Variants in DNAH5 observed in about 807,000 individuals in gnomAD.
The protein encoded by DNAH5 is dynein axonemal heavy chain 5, also known as axonemal beta dynein heavy chain 5.
A neutral mutation model predicts 518.2 loss-of-function variants in DNAH5; 372 were observed. The observed-to-expected ratio is 0.72, with a 90% CI of 0.66 to 0.78. DNAH5 has a LOEUF of 0.78. Among genes scored for constraint, DNAH5 ranks in the 30% least tolerant of loss-of-function variants. The pLI is 0.00. For synonymous variants in DNAH5, 2,039 were observed against 2,025.9 expected, an observed-to-expected ratio of 1.01 and a Z score of -0.17; for missense variants, 5,523 against 5,687.0, an observed-to-expected ratio of 0.97 and a Z score of 0.93.
At chr5:13,742,669 G>A (rs1748742339) in intron 65 of DNAH5, among the ~76,000 whole-genome samples, 1 of 152,014 alleles carries the variant, frequency 6.6e-6, no homozygotes, top group South Asian at 2.1e-4. Context: ...TTATTGAGAT[G>A]GCTGTAGTCA....
intron 30 of DNAH5, among the ~76,000 whole-genome samples, chr5:13,851,263 T>A (rs1053806492): frequency 1.8e-4 from 27 of 152,200 alleles, no homozygotes; most frequent in Middle Eastern, 3.4e-3. Flanking sequence ...TGTAAAAAAA[T>A]TTAATGGAAA....
rs376470870 is a variant in DNAH5, at chr5:13,817,727, C to T, written c.6842-33G>A. The T allele has an allele frequency of 1.4e-5, 22 of 1,610,776 alleles. No homozygotes were observed. In the African/African-American group the frequency reaches 2.7e-4, roughly 20 times the overall value. On this transcript the variant is annotated intron_variant, in intron 41 of 78. Transcript: ENST00000265104. ...AAGTAAATCCAAATTTTAGACATCTCAGATGGGAAGTGAACCATCATTAAG... is the reference window on the plus strand; with the variant it reads ...AAGTAAATCCAAATTTTAGACATCTTAGATGGGAAGTGAACCATCATTAAG...
At position 13,727,578 on chromosome 5, in the gene DNAH5, C is replaced by T. The variant is rs770036339; in HGVS notation, c.11962G>A (p.Asp3988Asn). The T allele has an allele frequency of 1.2e-6, 2 of 1,613,878 alleles. No homozygotes were observed. The highest frequency in any genetic ancestry group is 1.7e-6 in the Non-Finnish European group (2 of 1,179,844). ...CGTCTGAAGCAGTCAAGAGATTTAT[C>T]ATAGGCATTTGGAAGAGGTTCCTCC... is the stretch of plus-strand genomic sequence containing the variant. ...PEEEPLPNAY[D>N]KSLDCFRRLL... The change falls in exon 70 of 79, where the codon GAT becomes AAT. Residue 3988 changes from aspartate (D) to asparagine (N), a missense_variant. Asp to Asn is a conservative substitution (Grantham distance 23). This residue lies in a region of DNAH5 where 5,121 missense variants were observed against 5,223.3 expected (regional missense o/e 0.98). Coordinates refer to ENST00000265104, the MANE Select transcript of DNAH5 (RefSeq NM_001369.3).
intron 16 of DNAH5, among the ~76,000 whole-genome samples, chr5:13,892,236 C>A (rs928311449): frequency 6.6e-6 from 1 of 152,198 alleles, no homozygotes; most frequent in Non-Finnish European, 1.5e-5. Flanking sequence ...AAATTCTCTA[C>A]GCTTTCTAAC....
intron 78 of DNAH5, among the ~76,000 whole-genome samples, chr5:13,693,446 T>A (rs894763734): frequency 2.0e-5 from 3 of 152,250 alleles, no homozygotes; most frequent in Non-Finnish European, 4.4e-5. Context: ...ATATCCACTA[T>A]AAATTTAATT....
Position 13,777,229 on chromosome 5 carries a change from A to G in DNAH5, c.9078T>C (p.Tyr3026=), listed in dbSNP as rs2126813598. 6.2e-7 allele frequency: 1 copy of G among 1,613,008 alleles called. No homozygotes were observed. The highest frequency in any genetic ancestry group is 1.3e-5 in the African/African-American group (1 of 75,010). Residue 3026 remains tyrosine (Y), a synonymous_variant, in exon 54 of 79, where the codon TAT becomes TAC. Transcript: ENST00000265104. ...NEIKDESFLE[Y]MNNVLSSGEV... ...CACCTGATGATAAAACATTGTTCAT[A>G]TATTCCAAAAATGACTCATCTTTAA...
chr5:13,780,857 A>G lies in DNAH5; in HGVS notation c.8923T>C (p.Tyr2975His). 1.2e-6 allele frequency: 2 copies of G among 1,613,758 alleles called. No individual in the cohort carries two copies. Among genetic ancestry groups the G allele is most frequent in the Non-Finnish European group, 1.7e-6 (2 of 1,179,762 alleles). The change falls in exon 53 of 79, where the codon TAC (tyrosine) becomes CAC (histidine). Residue 2975 changes from tyrosine to histidine, a missense_variant. Tyr to His is a moderately conservative substitution (Grantham distance 83). Around this residue, in one of 3 missense-constraint regions of DNAH5, gnomAD observed 5,121 missense variants for 5,223.3 expected, o/e 0.98. Coordinates refer to ENST00000265104, the MANE Select transcript of DNAH5 (RefSeq NM_001369.3). Reference protein sequence around the residue: ...LTRLASFIAGYVSFQITLTRS... With the variant: ...LTRLASFIAGHVSFQITLTRS... ...GTCAGAGTGATCTGGAAGGAAACGTAGCCAGCAATGAATGAAGCCAACCTC... is the reference window on the plus strand; with the variant it reads ...GTCAGAGTGATCTGGAAGGAAACGTGGCCAGCAATGAATGAAGCCAACCTC...
chr5:13,730,705 A>G (rs866404139), intron 68 of DNAH5, among the ~76,000 whole-genome samples: 1 of 123,468 alleles, frequency 8.1e-6, no homozygotes, highest in African/African-American at 3.0e-5. Context: ...AAGTGCTGTT[A>G]TTTTTTTTTT....
rs201661940 is a variant in DNAH5, at chr5:13,950,290, AT to A, written c.13-19047del. Reference sequence around the variant, plus strand: ...TTGCTCCCCAAACCATGATACTTGTATTTTTTTTTTGAGATGGGAGTTTTGC... The same window carrying A: ...TTGCTCCCCAAACCATGATACTTGTATTTTTTTTTGAGATGGGAGTTTTGC... On this transcript the variant is annotated intron_variant, in intron 1 of 78. Transcript: ENST00000681290. Among the ~76,000 whole-genome samples the A allele has an allele frequency of 7.2e-4, 107 of 148,770 alleles. 2 individuals are homozygous for A. In the South Asian group the frequency reaches 0.016, roughly 22 times the overall value.
intron 70 of DNAH5, among the ~76,000 whole-genome samples, chr5:13,726,023 T>G (rs998267253): frequency 1.3e-5 from 2 of 152,176 alleles, no homozygotes; most frequent in Non-Finnish European, 2.9e-5. Context: ...ATTTTTGCAA[T>G]CAGGCATGCA....
intron 65 of DNAH5, among the ~76,000 whole-genome samples, chr5:13,748,336 G>T (rs1226544609): frequency 6.6e-6 from 1 of 152,098 alleles, no homozygotes; most frequent in Non-Finnish European, 1.5e-5. Context: ...TGTTCTTTTG[G>T]CTTAGGATTG....
rs750831635 is a variant in DNAH5, at chr5:13,737,306, T to C, written c.11401A>G (p.Ile3801Val). 13 of 1,614,134 alleles carry C rather than the reference T, an allele frequency of 8.1e-6. No homozygotes were observed. Among genetic ancestry groups the C allele is most frequent in the Non-Finnish European group, 1.1e-5 (13 of 1,179,994 alleles). ...TAEEVTQKLE[I>V]SAETEVQINS... Reference sequence around the variant, plus strand: ...ATTTGAACTTCTGTCTCAGCAGAAATTTCTAGCTTCTGTGTCACCTCCTCG... The same window carrying C: ...ATTTGAACTTCTGTCTCAGCAGAAACTTCTAGCTTCTGTGTCACCTCCTCG... The change falls in exon 66 of 79, where the codon ATT becomes GTT. Residue 3801 changes from isoleucine to valine, a missense_variant. Physicochemically the swap from Ile to Val is conservative, Grantham distance 29 (BLOSUM62 3). Transcript: ENST00000265104.
chr5:13,753,973 T>C (rs1232159101), intron 62 of DNAH5, among the ~76,000 whole-genome samples: 1 of 152,076 alleles, frequency 6.6e-6, no homozygotes. Flanking sequence ...GCCAGAACAA[T>C]GTCTCTTTCT....
Position 13,832,492 on chromosome 5 carries a change from T to G in DNAH5, c.5883-1717A>C, listed in dbSNP as rs192740462. 1.4e-4 allele frequency among the ~76,000 whole-genome samples: 21 copies of G among 152,392 alleles called. No homozygotes were observed. The East Asian group carries it at 3.9e-3, about 28-fold the overall frequency. On this transcript the variant is annotated intron_variant, in intron 35 of 78. Coordinates refer to ENST00000265104, the MANE Select transcript of DNAH5 (RefSeq NM_001369.3). ...CTACATGTGAGTGTATCTCCCTTCT[T>G]GCCTCCCTTCTCTGCTTTCCTTTCT... is the stretch of plus-strand genomic sequence containing the variant.
chr5:13,999,933 C>T (rs1027868268), intron 1 of DNAH5, among the ~76,000 whole-genome samples: 6 of 152,126 alleles, frequency 3.9e-5, no homozygotes, highest in African/African-American at 1.4e-4. Context: ...TTGACTTTTA[C>T]ATTAAAAAAC....
intron 1 of DNAH5, among the ~76,000 whole-genome samples, chr5:14,009,664 ATAGGTTTG>A (rs1784983682): frequency 6.6e-6 from 1 of 152,220 alleles, no homozygotes; most frequent in Non-Finnish European, 1.5e-5. Context: ...GGACTGGGCC[ATAGGTTTG>A]TTTCACGATT....
At chr5:13,693,503 A>G (rs1457111337) in intron 78 of DNAH5, among the ~76,000 whole-genome samples, 1 of 152,252 alleles carries the variant, frequency 6.6e-6, no homozygotes, top group Non-Finnish European at 1.5e-5. Flanking sequence ...AATGTTACAC[A>G]TAAGTTTCAA....
intron 22 of DNAH5, among the ~76,000 whole-genome samples, chr5:13,872,947 AAG>A (rs1164435687): frequency 6.6e-6 from 1 of 152,192 alleles, no homozygotes; most frequent in East Asian, 1.9e-4. Context: ...AGAGACTCAG[AAG>A]AGTCAGATTT....
intron 16 of DNAH5, among the ~76,000 whole-genome samples, chr5:13,893,312 A>C (rs1347589154): frequency 6.6e-6 from 1 of 152,162 alleles, no homozygotes; most frequent in Non-Finnish European, 1.5e-5. Context: ...AAGCCCAGGA[A>C]GAGGTATCCA....
Sources: gnomAD v4.1 joint callset for allele counts (sites outside exome capture counted in the v4.1 genomes callset) on GRCh38, gnomAD v4.1.1 for gene constraint, gnomAD v4.1.1 regional missense constraint, MANE v1.5 for transcripts, NCBI Gene and HGNC (gene_info 2026-07-23, HGNC 2026-07-21) for gene names.